The following SDK1 variants were observed in gnomAD, a reference collection of about 807,000 sequenced individuals.
The protein encoded by SDK1 is sidekick cell adhesion molecule 1.
Under a neutral mutation model 245.5 loss-of-function variants are expected in SDK1, and 157 were observed. The observed-to-expected ratio is 0.64, with a 90% CI of 0.56 to 0.73. The LOEUF is 0.73. SDK1 is among the 30% of genes least tolerant of loss of function. SDK1 has a pLI of 0.00. For synonymous variants in SDK1, 1,647 were observed against 1,278.5 expected, an observed-to-expected ratio of 1.29 and a Z score of -6.15; for missense variants, 3,583 against 3,002.3, an observed-to-expected ratio of 1.19 and a Z score of -4.52.
chr7:3,939,054 AAG>A (rs1364201536), intron 5 of SDK1, among the ~76,000 whole-genome samples: 4 of 152,378 alleles, frequency 2.6e-5, no homozygotes, highest in South Asian at 4.1e-4. Context: ...AGGTGCGTGA[AAG>A]AGAGAATTGG....
intron 25 of SDK1, among the ~76,000 whole-genome samples, chr7:4,126,159 C>T (rs1244694237): frequency 6.6e-6 from 1 of 152,202 alleles, no homozygotes; most frequent in African/African-American, 2.4e-5. Flanking sequence ...CTGAGAGCAG[C>T]TCCTCCATGC....
At chr7:3,498,899 G>C (rs1175319716) in intron 1 of SDK1, among the ~76,000 whole-genome samples, 1 of 152,070 alleles carries the variant, frequency 6.6e-6, no homozygotes, top group Non-Finnish European at 1.5e-5. Context: ...ACACTTTAGG[G>C]GACCCAGTGG....
At chr7:3,797,481 ACACACAC>A (rs1331500519) in intron 4 of SDK1, among the ~76,000 whole-genome samples, 16 of 151,768 alleles carry the variant, frequency 1.1e-4, no homozygotes, top group African/African-American at 3.9e-4. Context: ...ACACACACAC[ACACACAC>A]ACACACAGTT....
chr7:4,135,617 C>G (rs1030064314), intron 28 of SDK1, among the ~76,000 whole-genome samples: 1 of 152,228 alleles, frequency 6.6e-6, no homozygotes, highest in South Asian at 2.1e-4. Context: ...CAGATCTCAG[C>G]CTATGCTTAT....
At chr7:3,766,860 A>C (rs74317720) in intron 4 of SDK1, among the ~76,000 whole-genome samples, 3,069 of 152,326 alleles carry the variant, frequency 0.02, 99 homozygotes, top group African/African-American at 0.072. Context: ...ATGAGTAATT[A>C]ATACTCCTTA....
chr7:3,764,993 C>T (rs889601419), intron 4 of SDK1, among the ~76,000 whole-genome samples: 5 of 152,080 alleles, frequency 3.3e-5, no homozygotes, highest in African/African-American at 1.2e-4. Context: ...AATTATGAAT[C>T]TCAAGTATCT....
At chr7:4,136,847 C>T (rs1409161611) in intron 28 of SDK1, among the ~76,000 whole-genome samples, 1 of 152,232 alleles carries the variant, frequency 6.6e-6, no homozygotes, top group East Asian at 1.9e-4. Flanking sequence ...CAAGTATGAT[C>T]CCTGTTGGCA....
intron 38 of SDK1, among the ~76,000 whole-genome samples, chr7:4,218,135 G>C (rs1584471160): frequency 6.6e-6 from 1 of 152,306 alleles, no homozygotes; most frequent in East Asian, 1.9e-4. Flanking sequence ...CAGGCACGGT[G>C]GCTCATGTCT....
At chr7:3,390,668 C>T (rs991654753) in intron 1 of SDK1, among the ~76,000 whole-genome samples, 14 of 152,180 alleles carry the variant, frequency 9.2e-5, no homozygotes, top group South Asian at 4.1e-4. Context: ...TGCAGATAGA[C>T]GCAGATATTG....
At chr7:3,309,352 T>A (rs537694544) in intron 1 of SDK1, among the ~76,000 whole-genome samples, 1 of 150,988 alleles carries the variant, frequency 6.6e-6, no homozygotes, top group South Asian at 2.1e-4. Flanking sequence ...GGATATAATC[T>A]GTGGTTTCCA....
chr7:3,991,553 A>G (rs1562632415), intron 14 of SDK1, among the ~76,000 whole-genome samples: 1 of 152,160 alleles, frequency 6.6e-6, no homozygotes, highest in African/African-American at 2.4e-5. Context: ...TGGCACACAC[A>G]AGATGGCTCT....
chr7:3,749,815 G>A (rs530406730), intron 4 of SDK1, among the ~76,000 whole-genome samples: 5 of 152,192 alleles, frequency 3.3e-5, no homozygotes, highest in African/African-American at 1.2e-4. Flanking sequence ...TCCCAAGGCA[G>A]AAGCTGTCTT....
At chr7:3,750,638 C>T (rs1052302539) in intron 4 of SDK1, among the ~76,000 whole-genome samples, 7 of 152,226 alleles carry the variant, frequency 4.6e-5, no homozygotes, top group Non-Finnish European at 8.8e-5. Context: ...CAAGAGGAAG[C>T]ATCAGCGCTC....
intron 1 of SDK1, among the ~76,000 whole-genome samples, chr7:3,359,644 G>A (rs1780899721): frequency 6.6e-6 from 1 of 152,104 alleles, no homozygotes; most frequent in Non-Finnish European, 1.5e-5. Flanking sequence ...CCTTAGTGCT[G>A]ACATTCCACT....
At chr7:3,561,254 T>G (rs990913755) in intron 1 of SDK1, among the ~76,000 whole-genome samples, 6 of 152,332 alleles carry the variant, frequency 3.9e-5, no homozygotes, top group Middle Eastern at 3.4e-3. Context: ...GGCAGGGGGT[T>G]GATCCCTAAC....
chr7:3,516,544 C>T (rs1047965082), intron 1 of SDK1, among the ~76,000 whole-genome samples: 1 of 152,004 alleles, frequency 6.6e-6, no homozygotes, highest in Non-Finnish European at 1.5e-5. Context: ...AACTATTCTC[C>T]TGATTACTAA....
At chr7:3,485,682 G>GATTTTTTTTTTT (rs1562515905) in intron 1 of SDK1, among the ~76,000 whole-genome samples, 4 of 30,970 alleles carry the variant, frequency 1.3e-4, no homozygotes, top group Admixed American at 1.2e-3. Flanking sequence ...ATCTTTGGAG[G>GATTTTTTTTTTT]GTTTTTTTTT....
At chr7:3,859,472 A>C (rs1287182350) in intron 5 of SDK1, among the ~76,000 whole-genome samples, 1 of 152,102 alleles carries the variant, frequency 6.6e-6, no homozygotes, top group East Asian at 1.9e-4. Context: ...AGCAGGCTGT[A>C]GGTGCCCACT....
At chr7:3,486,227 A>G (rs1011039461) in intron 1 of SDK1, among the ~76,000 whole-genome samples, 16 of 151,930 alleles carry the variant, frequency 1.1e-4, no homozygotes, top group Non-Finnish European at 4.4e-5. Context: ...TTAAAATTAT[A>G]TGGAGTTAAA....
Sources: gnomAD v4.1 joint callset for allele counts (sites outside exome capture counted in the v4.1 genomes callset) on GRCh38, gnomAD v4.1.1 for gene constraint, MANE v1.5 for transcripts, NCBI Gene and HGNC (gene_info 2026-07-23, HGNC 2026-07-21) for gene names.